TAFA5: variants seen among roughly 807,000 people sequenced by gnomAD.
TAFA5 encodes chemokine-like protein TAFA-5.
TAFA5 carries 6 observed loss-of-function variants against 15.3 expected under a neutral mutation model. The ratio of observed to expected loss-of-function variants is 0.39; its 90% CI spans 0.21 to 0.77. The LOEUF is 0.77. Among genes scored for constraint, TAFA5 ranks in the 30% least tolerant of loss-of-function variants. The pLI, the probability that TAFA5 is intolerant of heterozygous loss-of-function variation, is 0.41. For synonymous variants in TAFA5, 103 were observed against 80.7 expected (o/e 1.28, Z -1.48); for missense variants, 161 against 193.1 (o/e 0.83, Z 0.98).
chr22:48,548,940 C>T (rs1446547931), intron 1 of TAFA5, among the ~76,000 whole-genome samples: 1 of 152,232 alleles, frequency 6.6e-6, no homozygotes, highest in African/African-American at 2.4e-5. Flanking sequence ...AATTATATCA[C>T]AAGAAGCCTT....
chr22:48,656,773 T>A (rs1345515356), intron 2 of TAFA5, among the ~76,000 whole-genome samples: 1 of 27,850 alleles, frequency 3.6e-5, no homozygotes, highest in African/African-American at 9.5e-5. Flanking sequence ...TTTTTTTTTT[T>A]TTTTTTTTGA....
At chr22:48,528,442 C>G (rs1921855242) in intron 1 of TAFA5, among the ~76,000 whole-genome samples, 1 of 152,158 alleles carries the variant, frequency 6.6e-6, no homozygotes, top group African/African-American at 2.4e-5. Context: ...CAACCCAGCA[C>G]CTCTGCACCC....
At chr22:48,558,588 G>A (rs993952062) in intron 1 of TAFA5, among the ~76,000 whole-genome samples, 15 of 152,324 alleles carry the variant, frequency 9.8e-5, no homozygotes, top group Admixed American at 5.2e-4. Flanking sequence ...GCCGTGGTCT[G>A]TGGAGAGGTC....
rs1187426804 is a variant in TAFA5 at position 48,501,461 on chromosome 22, G to A, written c.112+11757G>A. On this transcript the variant is annotated intron_variant, in intron 1 of 3. Transcript: ENST00000402357. ...GGCTGGCGGCGTGAACTCGGGTGAC[G>A]GCCTCTGCTTCCCTCCTGGACGCCT... 2.0e-5 allele frequency among the ~76,000 whole-genome samples: 3 copies of A among 152,198 alleles called. No homozygotes were observed. In the East Asian group the frequency reaches 5.8e-4, roughly 29 times the overall value.
intron 2 of TAFA5, among the ~76,000 whole-genome samples, chr22:48,665,793 G>C (rs191781168): frequency 1.3e-5 from 2 of 152,240 alleles, no homozygotes; most frequent in Admixed American, 6.5e-5. Context: ...GAGATCACAC[G>C]CAGATTCCTA....
At chr22:48,723,876 A>G (rs1929641036) in intron 3 of TAFA5, among the ~76,000 whole-genome samples, 1 of 152,230 alleles carries the variant, frequency 6.6e-6, no homozygotes, top group Admixed American at 6.5e-5. Flanking sequence ...GTGTAGGAAA[A>G]GGATTCTTGT....
intron 3 of TAFA5, among the ~76,000 whole-genome samples, 158 bp downstream of exon 3, chr22:48,708,002 T>G (rs1929135994): frequency 6.9e-6 from 1 of 145,428 alleles, no homozygotes; most frequent in Admixed American, 7.0e-5. Context: ...CCTCCCTCTC[T>G]GGTGCTAAAT....
intron 2 of TAFA5, among the ~76,000 whole-genome samples, chr22:48,697,104 G>A (rs1354286855): frequency 2.0e-5 from 3 of 152,214 alleles, no homozygotes; most frequent in African/African-American, 7.2e-5. Flanking sequence ...CTACTGGGGA[G>A]GATCCAAGAA....
chr22:48,599,536 G>T (rs1459299703), intron 1 of TAFA5, among the ~76,000 whole-genome samples: 1 of 152,254 alleles, frequency 6.6e-6, no homozygotes, highest in African/African-American at 2.4e-5. Flanking sequence ...GAGCGTGACT[G>T]CAGGGCAGAA....
At chr22:48,510,699 C>T (rs533204211) in intron 1 of TAFA5, among the ~76,000 whole-genome samples, 12 of 152,284 alleles carry the variant, frequency 7.9e-5, no homozygotes, top group African/African-American at 2.9e-4. Flanking sequence ...CAGGATGCTC[C>T]CCTGGCTTCC....
At chr22:48,687,571 GCAGT>G (rs1258419328) in intron 2 of TAFA5, among the ~76,000 whole-genome samples, 2 of 152,112 alleles carry the variant, frequency 1.3e-5, no homozygotes, top group South Asian at 2.1e-4. Flanking sequence ...CCCTGAGAAG[GCAGT>G]CAGAGTTCTC....
chr22:48,523,392 G>A (rs1921673598), intron 1 of TAFA5, among the ~76,000 whole-genome samples: 1 of 152,258 alleles, frequency 6.6e-6, no homozygotes, highest in Admixed American at 6.5e-5. Flanking sequence ...CCTCCTGTGT[G>A]GCCGGCTCGC....
At chr22:48,700,402 G>A (rs1024940439) in intron 2 of TAFA5, among the ~76,000 whole-genome samples, 16 of 152,170 alleles carry the variant, frequency 1.1e-4, no homozygotes, top group Admixed American at 1.3e-4. Flanking sequence ...ACCCAGGTAC[G>A]ACTAGAGCTC....
chr22:48,507,809 C>G (rs1921054452), intron 1 of TAFA5, among the ~76,000 whole-genome samples: 1 of 152,124 alleles, frequency 6.6e-6, no homozygotes, highest in Non-Finnish European at 1.5e-5. Flanking sequence ...TCGGGATGGA[C>G]AGCGCCCCCT....
At chr22:48,582,028 G>A (rs1924065658) in intron 1 of TAFA5, among the ~76,000 whole-genome samples, 1 of 152,088 alleles carries the variant, frequency 6.6e-6, no homozygotes, top group African/African-American at 2.4e-5. Flanking sequence ...AGTGGACAGG[G>A]CTCCTTTGAG....
intron 3 of TAFA5, among the ~76,000 whole-genome samples, chr22:48,735,957 T>C (rs76700278): frequency 0.3 from 12,616 of 42,672 alleles, 1,601 homozygotes; most frequent in Middle Eastern, 0.41. Flanking sequence ...GAGTCCAGAG[T>C]CCATCCCCCC....
rs532496252 is a variant in TAFA5 at position 48,723,838 on chromosome 22, C to T, written c.390+15994C>T. ...CTCCTGGCCCTCTTGCTTGCTTCTG[C>T]CCTACCTAAGGCACAGACAAGTTCT... is the stretch of plus-strand genomic sequence containing the variant. On this transcript the variant is annotated intron_variant, in intron 3 of 3. Coordinates refer to ENST00000402357, the MANE Select transcript of TAFA5 (RefSeq NM_001082967.3). Among the ~76,000 whole-genome samples the T allele has an allele frequency of 2.6e-3, 395 of 152,330 alleles. 1 individual carries two copies. Among genetic ancestry groups the T allele is most frequent in the African/African-American group, 9.3e-3 (386 of 41,570 alleles).
At chr22:48,559,886 C>T (rs1397716046) in intron 1 of TAFA5, among the ~76,000 whole-genome samples, 2 of 152,178 alleles carry the variant, frequency 1.3e-5, no homozygotes, top group African/African-American at 2.4e-5. Context: ...GCCAGAGATG[C>T]GGTCGCCGTG....
chr22:48,556,599 G>A (rs956726254), intron 1 of TAFA5, among the ~76,000 whole-genome samples: 1 of 152,260 alleles, frequency 6.6e-6, no homozygotes, highest in Admixed American at 6.5e-5. Context: ...TGGGGCAGCA[G>A]GGGATTCGTG....
Sources: allele counts gnomAD v4.1 joint callset (sites outside exome capture counted in the v4.1 genomes callset), GRCh38; gene constraint gnomAD v4.1.1; transcripts MANE v1.5; gene names NCBI Gene and HGNC (gene_info 2026-07-23, HGNC 2026-07-21).